The following USH2A variants were observed in gnomAD, a reference collection of about 807,000 sequenced individuals.
USH2A encodes the protein Usher syndrome 2A (autosomal recessive, mild).
In USH2A, 443 loss-of-function variants were observed where a neutral mutation model predicts 538.9. The ratio of observed to expected loss-of-function variants is 0.82; its 90% confidence interval spans 0.76 to 0.89. USH2A has a LOEUF of 0.89. USH2A is among the 40% of genes least tolerant of loss of function. USH2A has a pLI of 0.00. For synonymous variants in USH2A, 2,413 were observed against 2,273.5 expected, an observed-to-expected ratio of 1.06 and a Z score of -1.75; for missense variants, 6,633 against 6,324.8, an observed-to-expected ratio of 1.05 and a Z score of -1.65.
intron 47 of USH2A, among the ~76,000 whole-genome samples, chr1:215,819,115 A>G (rs1245102665): frequency 1.3e-5 from 2 of 151,896 alleles, no homozygotes; most frequent in Non-Finnish European, 2.9e-5. Context: ...ATAAAGCATT[A>G]GCATTCCCAT....
chr1:216,059,268 A>G (rs1003199604), intron 30 of USH2A, among the ~76,000 whole-genome samples: 5 of 152,176 alleles, frequency 3.3e-5, no homozygotes, highest in Admixed American at 2.6e-4. Flanking sequence ...AATCAGGCAT[A>G]AGGCAAAAAT....
In USH2A at chr1:216,247,141, G is replaced by A. The variant is rs768068465; in HGVS notation, c.2253C>T (p.Leu751=). The part of the protein sequence containing the change: ...DVGCEPCQCN[L]HGSVNKFCNP... ...TGCAGAATTTGTTCACTGAGCCATG[G>A]AGGTTACACTGGCAGGGCTCACATC... Residue 751 remains leucine, a synonymous_variant, in exon 13 of 72, where the codon CTC becomes CTT. Transcript: ENST00000307340. The A allele has an allele frequency of 6.2e-7, 1 of 1,614,062 alleles. No individual in the cohort carries two copies. The highest frequency in any genetic ancestry group is 1.7e-5 in the Admixed American group (1 of 60,008).
intron 61 of USH2A, among the ~76,000 whole-genome samples, chr1:215,692,592 G>A (rs11120605): frequency 0.2 from 29,677 of 152,042 alleles, 3,212 homozygotes; most frequent in South Asian, 0.47. Context: ...AGTATCCTTA[G>A]CAAAGCAGTA....
chr1:215,971,424 G>A (rs1029808991), intron 35 of USH2A, among the ~76,000 whole-genome samples: 2 of 152,002 alleles, frequency 1.3e-5, no homozygotes, highest in Admixed American at 1.3e-4. Context: ...GAAGGACATA[G>A]ACCCCCTTAG....
intron 40 of USH2A, among the ~76,000 whole-genome samples, chr1:215,890,912 C>G (rs991083320): frequency 7.2e-5 from 11 of 152,166 alleles, no homozygotes; most frequent in African/African-American, 2.7e-4. Context: ...ATCTCACCCT[C>G]TCTTCCCCAA....
chr1:215,739,011 A>G (rs1660230017), intron 60 of USH2A, among the ~76,000 whole-genome samples: 2 of 152,364 alleles, frequency 1.3e-5, no homozygotes, highest in African/African-American at 2.4e-5. Flanking sequence ...TTGTCTAAGC[A>G]CATTTAAACT....
chr1:215,948,984 G>A (rs1257076426), intron 37 of USH2A, among the ~76,000 whole-genome samples: 9 of 151,960 alleles, frequency 5.9e-5, no homozygotes, highest in African/African-American at 1.2e-4. Context: ...GTCTGTTAAC[G>A]TGTTATATCC....
rs1042224866 is a variant in USH2A at position 215,817,083 on chromosome 1, C to T, written c.9484G>A (p.Asp3162Asn). ...GCCTTGCAGAGCTCATCACTCTGAT[C>T]CTGCACTAACTTTTGAGTTTTAGCG... The part of the protein sequence containing the change: ...PCAKTQKLVQ[D>N]QSDELCKAVR... Residue 3162 changes from aspartate (D) to asparagine (N), a missense_variant, in exon 48 of 72, where the codon GAT becomes AAT. Physicochemically the swap from Asp to Asn is conservative, Grantham distance 23. Coordinates refer to ENST00000307340, the MANE Select transcript of USH2A (RefSeq NM_206933.4). The T allele has an allele frequency of 3.1e-6, 5 of 1,612,748 alleles. No individual in the cohort carries two copies. Among genetic ancestry groups the T allele is most frequent in the Admixed American group, 3.3e-5 (2 of 59,896 alleles).
At position 215,999,243 on chromosome 1, in the gene USH2A, G is replaced by A. The variant is rs1436780; in HGVS notation, c.6486-185C>T. Reference sequence around the variant, plus strand: ...AATGCCTATTCTGAGGGGCAAAAAGGAAATGTGATATGGCTCCTGCCATCT... The same window carrying A: ...AATGCCTATTCTGAGGGGCAAAAAGAAAATGTGATATGGCTCCTGCCATCT... On this transcript the variant is annotated intron_variant, in intron 33 of 71. Coordinates refer to ENST00000307340, the MANE Select transcript of USH2A (RefSeq NM_206933.4). 0.95 allele frequency among the ~76,000 whole-genome samples: 144,032 copies of A among 152,272 alleles called. 68,148 individuals carry two copies. The highest frequency in any genetic ancestry group is 1 in the East Asian group (5,181 of 5,182).
Position 216,070,107 on chromosome 1 carries a change from G to A in USH2A, c.6043C>T (p.Leu2015Phe), listed in dbSNP as rs370597096. Reference protein sequence around the residue: ...ASAEFVNTSNLTGILTGLLPF... With the variant: ...ASAEFVNTSNFTGILTGLLPF... ...GTTAAAGGATTGCATTTACCTGTGAGGTTGCTTGTATTGACAAATTCAGCA... is the reference window on the plus strand; with the variant it reads ...GTTAAAGGATTGCATTTACCTGTGAAGTTGCTTGTATTGACAAATTCAGCA... The change falls in exon 30 of 72, where the codon CTC (leucine) becomes TTC (phenylalanine). Residue 2015 changes from leucine (L) to phenylalanine (F), a missense_variant. Coordinates refer to ENST00000307340, the MANE Select transcript of USH2A (RefSeq NM_206933.4). The A allele has an allele frequency of 3.9e-5, 63 of 1,613,816 alleles. No homozygotes were observed. Among genetic ancestry groups the A allele is most frequent in the Middle Eastern group, 1.6e-4 (1 of 6,082 alleles).
At chr1:215,845,672 T>C (rs760167913) in intron 45 of USH2A, 152 bp downstream of exon 45, 28 of 750,210 alleles carry the variant, frequency 3.7e-5, no homozygotes, top group Non-Finnish European at 6.0e-5. Flanking sequence ...CTGCTACTGA[T>C]GACAGTGAGC....
chr1:216,238,811 A>C (rs940038432), intron 13 of USH2A, among the ~76,000 whole-genome samples: 1 of 152,164 alleles, frequency 6.6e-6, no homozygotes, highest in African/African-American at 2.4e-5. Flanking sequence ...TTGCAATCAC[A>C]GATGAAAGGG....
rs1479950697 is a variant in USH2A, at chr1:215,675,593, C to G, written c.12318G>C (p.Gly4106=). The G allele has an allele frequency of 4.3e-6, 7 of 1,614,110 alleles. No individual in the cohort carries two copies. Among genetic ancestry groups the G allele is most frequent in the Non-Finnish European group, 4.2e-6 (5 of 1,180,008 alleles). The change falls in exon 63 of 72, where the codon GGG becomes GGC. Residue 4106 remains glycine (G), a synonymous_variant. Transcript: ENST00000307340. ...VIKTYNIFSD[G]FLEYSGLNRQ... Reference sequence around the variant, plus strand: ...GATTCAAACCAGAGTACTCCAGGAACCCGTCACTGAAGATGTTGTATGTCT... The same window carrying G: ...GATTCAAACCAGAGTACTCCAGGAAGCCGTCACTGAAGATGTTGTATGTCT...
chr1:216,260,410 A>C (rs1034485586), intron 11 of USH2A, among the ~76,000 whole-genome samples: 1 of 152,156 alleles, frequency 6.6e-6, no homozygotes, highest in Non-Finnish European at 1.5e-5. Context: ...CACAGGTCTA[A>C]AGTTAAACAA....
rs80122044 is a variant in USH2A at position 216,173,048 on chromosome 1, A to C, written c.4627+2204T>G. ...TTTTCCTCCTGTACTACGAGGGTAA[A>C]AAGAGCTACTTTATAGGGTTGCAGA... On this transcript the variant is annotated intron_variant, in intron 21 of 71. Transcript: ENST00000307340. 3.0e-3 allele frequency among the ~76,000 whole-genome samples: 457 copies of C among 152,300 alleles called. 1 individual carries two copies. The highest frequency in any genetic ancestry group is 0.011 in the African/African-American group (439 of 41,572).
chr1:215,870,587 G>A (rs992083802), intron 43 of USH2A, among the ~76,000 whole-genome samples: 16 of 151,652 alleles, frequency 1.1e-4, no homozygotes, highest in South Asian at 4.2e-4. Context: ...GTGAGTCACC[G>A]CGCCTGGCCG....
intron 66 of USH2A, 33 bp downstream of exon 66, chr1:215,648,495 T>C: frequency 6.2e-7 from 1 of 1,605,102 alleles, no homozygotes; most frequent in South Asian, 1.1e-5. Context: ...ACATGCCTTG[T>C]TAGTTTCTTC....
chr1:216,032,736 G>A (rs1332002963), intron 32 of USH2A, among the ~76,000 whole-genome samples: 1 of 152,106 alleles, frequency 6.6e-6, no homozygotes, highest in African/African-American at 2.4e-5. Flanking sequence ...GAGATGGAGG[G>A]AGCCATGTGA....
intron 61 of USH2A, among the ~76,000 whole-genome samples, chr1:215,697,514 A>T (rs192996677): frequency 2.4e-3 from 295 of 121,128 alleles, no homozygotes; most frequent in Middle Eastern, 4.4e-3. Context: ...CTTTTAAAAA[A>T]TTTTTTATTT....
Sources: allele counts gnomAD v4.1 joint callset (sites outside exome capture counted in the v4.1 genomes callset), GRCh38; gene constraint gnomAD v4.1.1; transcripts MANE v1.5; gene names NCBI Gene and HGNC (gene_info 2026-07-23, HGNC 2026-07-21).